The following PDE1C variants were observed in gnomAD, a reference collection of about 807,000 sequenced individuals.
The protein encoded by PDE1C is dual specificity calcium/calmodulin-dependent 3',5'-cyclic nucleotide phosphodiesterase 1C.
In PDE1C, 62 loss-of-function variants were observed where a neutral mutation model predicts 93.1. The observed-to-expected ratio is 0.67, with a 90% confidence interval of 0.54 to 0.82. The LOEUF is 0.82. Among genes scored for constraint, PDE1C ranks in the 40% least tolerant of loss-of-function variants. The probability of loss-of-function intolerance (pLI) is 0.00; values close to 1 mark genes in which losing one functional copy is unlikely to be tolerated. For synonymous variants in PDE1C, 325 were observed against 310.1 expected, an observed-to-expected ratio of 1.05 and a Z score of -0.50; for missense variants, 742 against 884.6, an observed-to-expected ratio of 0.84 and a Z score of 2.04.
chr7:32,298,792 C>T (rs1045004500), exon 1 of PDE1C: 2 of 1,538,102 alleles, frequency 1.3e-6, no homozygotes, highest in Non-Finnish European at 8.7e-7. Context: ...TGCGGTCCCC[C>T]CCACGGCGGA....
At chr7:32,174,783 G>T (rs1366612453) in intron 2 of PDE1C, among the ~76,000 whole-genome samples, 1 of 152,184 alleles carries the variant, frequency 6.6e-6, no homozygotes, top group Admixed American at 6.5e-5. Context: ...AAAGGAGACT[G>T]GTGTGCTGTG....
chr7:32,181,886 C>A (rs764562015), intron 2 of PDE1C, among the ~76,000 whole-genome samples: 28 of 151,884 alleles, frequency 1.8e-4, no homozygotes, highest in Admixed American at 1.4e-3. Flanking sequence ...AGATCAACAA[C>A]ATTGATAGAC....
intron 3 of PDE1C, among the ~76,000 whole-genome samples, chr7:32,086,227 C>A (rs1797063588): frequency 6.9e-6 from 1 of 145,568 alleles, no homozygotes; most frequent in African/African-American, 2.6e-5. Context: ...AACAGAGAGC[C>A]AAATCATGAG....
intron 16 of PDE1C, among the ~76,000 whole-genome samples, chr7:31,807,420 C>G (rs957018226): frequency 6.6e-6 from 1 of 151,560 alleles, no homozygotes; most frequent in Admixed American, 6.6e-5. Context: ...CCCAAAAAAA[C>G]CTGTTTAATT....
At chr7:31,980,404 A>T (rs921659880) in intron 2 of PDE1C, among the ~76,000 whole-genome samples, 3 of 152,220 alleles carry the variant, frequency 2.0e-5, no homozygotes. Context: ...TAATTTTGAT[A>T]AAAGTACTTT....
intron 16 of PDE1C, among the ~76,000 whole-genome samples, chr7:31,792,710 T>A (rs1327443969): frequency 6.6e-6 from 1 of 152,068 alleles, no homozygotes; most frequent in African/African-American, 2.4e-5. Flanking sequence ...GTTTTATGTA[T>A]TTGTTTTCAA....
At chr7:31,743,923 G>A in the PDE1C span, among the ~76,000 whole-genome samples, 1 of 152,226 alleles carries the variant, frequency 6.6e-6, no homozygotes, top group Non-Finnish European at 1.5e-5. Context: ...CCAGGCTCAA[G>A]TGGGCACTCC....
At chr7:31,712,116 C>A in the PDE1C span, among the ~76,000 whole-genome samples, 1 of 152,260 alleles carries the variant, frequency 6.6e-6, no homozygotes, top group East Asian at 1.9e-4. Flanking sequence ...ATAGTTCCTA[C>A]CTCTTCTTGT....
chr7:31,825,837 T>C (rs976910610), intron 12 of PDE1C, among the ~76,000 whole-genome samples: 2 of 151,650 alleles, frequency 1.3e-5, no homozygotes, highest in African/African-American at 2.4e-5. Flanking sequence ...AAACAGGAAA[T>C]AGAAGGAGAA....
chr7:32,330,755 G>A (rs1329371109), intron 1 of PDE1C, among the ~76,000 whole-genome samples: 1 of 152,198 alleles, frequency 6.6e-6, no homozygotes, highest in East Asian at 1.9e-4. Flanking sequence ...CAGGGCATGG[G>A]AACAGGATCG....
chr7:31,770,412 C>T (rs952461150), intron 17 of PDE1C, among the ~76,000 whole-genome samples: 1 of 152,176 alleles, frequency 6.6e-6, no homozygotes, highest in South Asian at 2.1e-4. Context: ...AGCCCAATTA[C>T]CTAATTTTTT....
At chr7:31,901,936 A>G (rs1339766313) in intron 2 of PDE1C, among the ~76,000 whole-genome samples, 1 of 151,194 alleles carries the variant, frequency 6.6e-6, no homozygotes. Flanking sequence ...TGCATTTTTA[A>G]CAACTTACCC....
chr7:31,666,364 C>T, the PDE1C span, among the ~76,000 whole-genome samples: 2 of 152,030 alleles, frequency 1.3e-5, no homozygotes, highest in Non-Finnish European at 1.5e-5. Flanking sequence ...TTTCTCATAC[C>T]GTCCTTTAAA....
chr7:32,206,752 C>A (rs1424035941), intron 2 of PDE1C, among the ~76,000 whole-genome samples: 1 of 152,238 alleles, frequency 6.6e-6, no homozygotes, highest in African/African-American at 2.4e-5. Flanking sequence ...CATGGCAGTG[C>A]CCACACCCGG....
At chr7:31,942,045 C>T (rs1396289614) in intron 2 of PDE1C, among the ~76,000 whole-genome samples, 1 of 152,200 alleles carries the variant, frequency 6.6e-6, no homozygotes. Flanking sequence ...CAGGTACCTA[C>T]TCACATGAAT....
chr7:31,873,536 T>G, intron 5 of PDE1C, 128 bp from the exon 6 acceptor site: 1 of 635,140 alleles, frequency 1.6e-6, no homozygotes, highest in Non-Finnish European at 2.8e-6. Context: ...CAAACAGACT[T>G]TCCACTCTCA....
chr7:32,162,157 A>G (rs1379643480), intron 3 of PDE1C, among the ~76,000 whole-genome samples: 1 of 152,170 alleles, frequency 6.6e-6, no homozygotes, highest in Non-Finnish European at 1.5e-5. Context: ...TTTAATCTCA[A>G]TGCTTCCACA....
At chr7:31,919,631 G>A (rs962194811) in intron 2 of PDE1C, among the ~76,000 whole-genome samples, 4 of 151,972 alleles carry the variant, frequency 2.6e-5, no homozygotes, top group African/African-American at 4.8e-5. Flanking sequence ...AAACCAACAC[G>A]TAAAAAGAAA....
intron 2 of PDE1C, among the ~76,000 whole-genome samples, chr7:31,911,270 G>T (rs866663471): frequency 1.3e-5 from 2 of 152,078 alleles, no homozygotes; most frequent in African/African-American, 4.8e-5. Flanking sequence ...TAACTAGGAT[G>T]TTTTAATATT....
Sources: gnomAD v4.1 joint callset for allele counts (sites outside exome capture counted in the v4.1 genomes callset) on GRCh38, gnomAD v4.1.1 for gene constraint, MANE v1.5 for transcripts, NCBI Gene and HGNC (gene_info 2026-07-23, HGNC 2026-07-21) for gene names.